MYH6: variants seen among roughly 807,000 people sequenced by gnomAD.
The protein encoded by MYH6 is myosin heavy chain 6.
In MYH6, 126 loss-of-function variants were observed where a neutral mutation model predicts 223.2. The observed-to-expected ratio is 0.56, with a 90% confidence interval of 0.49 to 0.65. MYH6 has a LOEUF of 0.65. Among genes scored for constraint, MYH6 ranks in the 30% least tolerant of loss-of-function variants. The pLI is 0.00. For synonymous variants in MYH6, 978 were observed against 1,010.2 expected, an observed-to-expected ratio of 0.97 and a Z score of 0.61; for missense variants, 2,040 against 2,536.4, an observed-to-expected ratio of 0.80 and a Z score of 4.20.
At chr14:23,397,943 C>CTTCTTCTTCTTCTTCTTT (rs1891459868) in intron 15 of MYH6, among the ~76,000 whole-genome samples, 2 of 57,996 alleles carry the variant, frequency 3.4e-5, no homozygotes, top group Admixed American at 1.8e-4. Context: ...TCTTCTTCTT[C>CTTCTTCTTCTTCTTCTTT]TTCTTCTTCT....
chr14:23,407,288 G>A lies in MYH6; in HGVS notation c.-13-52C>T. ...TACTCCTGAGGGAGCCCAGGCTCCA[G>A]CGAGTGGCTTTGTCCTCTGCAGCCC... On this transcript the variant is annotated intron_variant, in intron 2 of 38. Transcript: ENST00000405093. The surrounding 1 kb of genome is among the most constrained non-coding windows in gnomAD (Gnocchi z 5.6). 1.2e-6 allele frequency: 2 copies of A among 1,600,034 alleles called. No individual in the cohort carries two copies. The highest frequency in any genetic ancestry group is 1.7e-6 in the Non-Finnish European group (2 of 1,170,060).
Position 23,387,814 on chromosome 14 carries a change from T to C in MYH6, c.4469A>G (p.Tyr1490Cys), listed in dbSNP as rs1241014712. The C allele has an allele frequency of 6.2e-7, 1 of 1,614,156 alleles. No homozygotes were observed. The change falls in exon 31 of 39, where the codon TAC becomes TGC. Residue 1490 changes from tyrosine (Y) to cysteine (C), a missense_variant. By Grantham distance (194) the Tyr-to-Cys change is radical. This residue lies in a region of MYH6 where 1,203 missense variants were observed against 1,400.2 expected (regional missense o/e 0.86). Transcript: ENST00000405093. Reference protein sequence around the residue: ...STELFKLKNAYEESLEHLETF... With the variant: ...STELFKLKNACEESLEHLETF... Reference sequence around the variant, plus strand: ...CTCTAGGTGCTCCAGGGACTCCTCGTAGGCGTTCTTGAGCTTGAAGAGCTC... The same window carrying C: ...CTCTAGGTGCTCCAGGGACTCCTCGCAGGCGTTCTTGAGCTTGAAGAGCTC...
At chr14:23,402,859 C>T (rs1891650734) in intron 10 of MYH6, 59 bp from the exon 11 acceptor site, 4 of 850,490 alleles carry the variant, frequency 4.7e-6, no homozygotes, top group African/African-American at 2.2e-5. Flanking sequence ...AGGGAAGGGG[C>T]AGGTAGAGTT....
In MYH6 at chr14:23,390,092, C is replaced by A; in HGVS notation, c.3697G>T (p.Val1233Phe). 6.2e-7 allele frequency: 1 copy of A among 1,612,962 alleles called. No homozygotes were observed. Among genetic ancestry groups the A allele is most frequent in the South Asian group, 1.1e-5 (1 of 90,998 alleles). ...ATGATCTGCTCCATGTTGGAGGTGA[C>A]GTCATCCAGCTCCAGCTTGAACTCG... ...KSEFKLELDD[V>F]TSNMEQIIKA... The change falls in exon 26 of 39, where the codon GTC becomes TTC. Residue 1233 changes from valine (V) to phenylalanine (F), a missense_variant. Val to Phe is a conservative substitution (Grantham distance 50). Around this residue, in one of 4 missense-constraint regions of MYH6, gnomAD observed 1,203 missense variants for 1,400.2 expected, o/e 0.86. Coordinates refer to ENST00000405093, the MANE Select transcript of MYH6 (RefSeq NM_002471.4).
At position 23,396,984 on chromosome 14, in the gene MYH6, A is replaced by T; in HGVS notation, c.2147T>A (p.Leu716His). The T allele has an allele frequency of 6.2e-7, 1 of 1,613,342 alleles. No homozygotes were observed. ...ICRKGFPNRI[L>H]YGDFRQRYRI... ...CCACCTCTGCCGGAAGTCCCCGTAG[A>T]GGATGCGGTTGGGGAAGCCCTTCCT... The change falls in exon 18 of 39, where the codon CTC (leucine) becomes CAC (histidine). Residue 716 changes from leucine (L) to histidine (H), a missense_variant. Leu to His is a moderately conservative substitution (Grantham distance 99, BLOSUM62 -3). This residue lies in a region of MYH6 where 649 missense variants were observed against 877.3 expected (regional missense o/e 0.74). Transcript: ENST00000405093.
At chr14:23,382,154 A>T (rs1456842690) in intron 38 of MYH6, 91 bp from the exon 39 acceptor site, 1 of 1,323,648 alleles carries the variant, frequency 7.6e-7, no homozygotes, top group African/African-American at 1.4e-5. Flanking sequence ...GGCCTAAGGG[A>T]GATGCCCTTG....
At chr14:23,391,309 G>A (rs1891230924) in intron 25 of MYH6, among the ~76,000 whole-genome samples, 1 of 152,218 alleles carries the variant, frequency 6.6e-6, no homozygotes, top group Non-Finnish European at 1.5e-5. Flanking sequence ...GATGGAGAAG[G>A]TGGGACTTCT....
Position 23,385,950 on chromosome 14 carries a change from C to G in MYH6, c.5141G>C (p.Arg1714Pro), listed in dbSNP as rs777682189. ...CACCTGGGAATGCAGCAGCTGCACCCGCTCGCTGGTCTCAATCAGCTCCTG... is the reference window on the plus strand; with the variant it reads ...CACCTGGGAATGCAGCAGCTGCACCGGCTCGCTGGTCTCAATCAGCTCCTG... Reference protein sequence around the residue: ...AEQELIETSERVQLLHSQNTS... With the variant: ...AEQELIETSEPVQLLHSQNTS... Residue 1714 changes from arginine (R) to proline (P), a missense_variant, in exon 34 of 39, where the codon CGG (arginine) becomes CCG (proline). This residue lies in a region of MYH6 where 1,203 missense variants were observed against 1,400.2 expected (regional missense o/e 0.86). Transcript: ENST00000405093. 4 of 1,614,082 alleles carry G rather than the reference C, an allele frequency of 2.5e-6. No individual in the cohort carries two copies. The highest frequency in any genetic ancestry group is 4.5e-5 in the East Asian group (2 of 44,900).
intron 36 of MYH6, among the ~76,000 whole-genome samples, chr14:23,384,137 G>A (rs554318926): frequency 6.6e-5 from 10 of 151,686 alleles, no homozygotes; most frequent in Admixed American, 1.3e-4. Context: ...AGTCGAAGGT[G>A]GAAGGATTCT....
chr14:23,397,955 C>T lies in MYH6; in HGVS notation c.1892-342G>A, dbSNP rs537318000. On this transcript the variant is annotated intron_variant, in intron 15 of 38. Transcript: ENST00000405093. ...TCCTCTTCTTCTTCTTCTTCTTCTT[C>T]TTCTTCTTCTTCTTCTTCTTCTTCT... Among the ~76,000 whole-genome samples the T allele has an allele frequency of 9.5e-3, 923 of 96,726 alleles. 3 individuals carry two copies. Among genetic ancestry groups the T allele is most frequent in the South Asian group, 0.027 (64 of 2,404 alleles). The allele number at this position is 96,726 out of a possible 152,430, so 63.5% of individuals were successfully genotyped here.
chr14:23,397,384 G>A (rs17256246), intron 16 of MYH6, 127 bp from the exon 17 acceptor site: 28,710 of 1,257,450 alleles, frequency 0.023, 851 homozygotes, highest in African/African-American at 0.099. Context: ...AATTTGTGAC[G>A]TGAGTTCAGG....
chr14:23,388,751 CT>C, intron 29 of MYH6, 107 bp downstream of exon 29: 1 of 1,514,574 alleles, frequency 6.6e-7, no homozygotes, highest in African/African-American at 1.4e-5. Context: ...CTCCGAGTTC[CT>C]CCTGTCTCTT....
chr14:23,397,206 C>G lies in MYH6; in HGVS notation c.2014G>C (p.Val672Leu). 2.5e-6 allele frequency: 4 copies of G among 1,614,204 alleles called. No homozygotes were observed. The highest frequency in any genetic ancestry group is 3.4e-6 in the Non-Finnish European group (4 of 1,180,048). The change falls in exon 17 of 39, where the codon GTG (valine) becomes CTG (leucine). Residue 672 changes from valine (V) to leucine (L), a missense_variant. By Grantham distance (32) the Val-to-Leu change is conservative. Coordinates refer to ENST00000405093, the MANE Select transcript of MYH6 (RefSeq NM_002471.4). ...TNLRTTHPHF[V>L]RCIIPNERKA... ...CGCTCATTGGGGATGATGCAACGCA[C>G]AAAGTGAGGATGGGTGGTCCTCAGG...
chr14:23,408,246 C>T lies in MYH6; in HGVS notation c.-47+7G>A. ...TGCAGGGCATCCCACCCCAAACCTC[C>T]TCTTACCTGGGCCGCAGGAGTCTCT... On this transcript the variant is annotated splice_region_variant and intron_variant, in intron 1 of 38. Coordinates refer to ENST00000405093, the MANE Select transcript of MYH6 (RefSeq NM_002471.4). 2 of 985,482 alleles carry T rather than the reference C, an allele frequency of 2.0e-6. No individual in the cohort carries two copies. Among genetic ancestry groups the T allele is most frequent in the Non-Finnish European group, 2.4e-6 (2 of 829,974 alleles). 61.0% of individuals were successfully genotyped at this position (985,482 alleles called of 1,614,324 possible). A position where few individuals can be genotyped will look rare whatever the true frequency, so the allele number is the denominator to read the frequency against.
intron 15 of MYH6, among the ~76,000 whole-genome samples, chr14:23,397,944 T>TTCTTCTTCC (rs1891460612): frequency 1.6e-5 from 1 of 64,408 alleles, no homozygotes; most frequent in Non-Finnish European, 3.1e-5. Context: ...CTTCTTCTTC[T>TTCTTCTTCC]TCTTCTTCTT....
chr14:23,388,021 A>G lies in MYH6; in HGVS notation c.4360-98T>C. ...AGCCCCCAGCCTCAGCCGCATGTCC[A>G]AGATCTGTCCCTGGTCCCGAGCCTG... On this transcript the variant is annotated intron_variant, in intron 30 of 38. Transcript: ENST00000405093. The G allele has an allele frequency of 5.0e-6, 8 of 1,605,546 alleles. No individual in the cohort carries two copies. In the South Asian group the frequency reaches 8.8e-5, roughly 18 times the overall value.
chr14:23,393,114 C>G (rs763253022), intron 23 of MYH6, 57 bp from the exon 24 acceptor site: 42 of 1,607,248 alleles, frequency 2.6e-5, no homozygotes, highest in Non-Finnish European at 3.5e-5. Context: ...ATAGTGTATG[C>G]TCTTTTGCCT....
chr14:23,389,179 C>T, intron 28 of MYH6, 124 bp from the exon 29 acceptor site: 2 of 1,276,852 alleles, frequency 1.6e-6, no homozygotes, highest in Non-Finnish European at 2.1e-6. Context: ...GATGTGGCAC[C>T]TCACTGTTTG....
intron 15 of MYH6, among the ~76,000 whole-genome samples, chr14:23,398,018 CTTCT>C (rs1891481438): frequency 9.7e-6 from 1 of 103,116 alleles, no homozygotes; most frequent in Non-Finnish European, 2.0e-5. Flanking sequence ...TCTTCTTCTT[CTTCT>C]TCCTTCTATT....
Sources: gnomAD v4.1 joint callset for allele counts (sites outside exome capture counted in the v4.1 genomes callset) on GRCh38, gnomAD v4.1.1 for gene constraint, gnomAD v4.1.1 regional missense constraint, Gnocchi (gnomAD v3.1) non-coding constraint, MANE v1.5 for transcripts, NCBI Gene and HGNC (gene_info 2026-07-23, HGNC 2026-07-21) for gene names.